The following SPTBN5 variants were observed in gnomAD, a reference collection of about 807,000 sequenced individuals.
The protein encoded by SPTBN5 is spectrin beta chain, non-erythrocytic 5.
In SPTBN5, 513 loss-of-function variants were observed where a neutral mutation model predicts 477.6. The observed-to-expected ratio is 1.07, with a 90% CI of 1.00 to 1.16. The LOEUF (loss-of-function observed/expected upper bound fraction) is 1.16. Among genes scored for constraint, SPTBN5 ranks in the 50% most tolerant of loss-of-function variants. The pLI is 0.00. For synonymous variants in SPTBN5, 2,169 were observed against 2,011.7 expected (o/e 1.08, Z -2.09); for missense variants, 5,062 against 4,731.8 (o/e 1.07, Z -2.05).
In SPTBN5 at chr15:41,850,856, G is replaced by A. The variant is rs907875690; in HGVS notation, c.10919C>T (p.Ala3640Val). 3 of 1,594,416 alleles carry A rather than the reference G, an allele frequency of 1.9e-6. No homozygotes were observed. Among genetic ancestry groups the A allele is most frequent in the Admixed American group, 1.7e-5 (1 of 57,770 alleles). ...ESWWRALGST[A>V]AQSLSPKLKA... ...CGCATCCTTCCCCTGAAGCCCACCT[G>A]CAGTGCTGCCCAGGGCTCGCCACCA... Residue 3640 changes from alanine (A) to valine (V), a missense_variant and splice_region_variant, in exon 66 of 68, where the codon GCA becomes GTA. Ala to Val is a moderately conservative substitution (Grantham distance 64, BLOSUM62 0). Coordinates refer to ENST00000320955, the MANE Select transcript of SPTBN5 (RefSeq NM_016642.4).
Position 41,870,229 on chromosome 15 carries a change from C to T in SPTBN5, c.5673+14G>A. On this transcript the variant is annotated intron_variant, in intron 31 of 67. Transcript: ENST00000320955. Reference sequence around the variant, plus strand: ...GCAGGGGCCTGGGTCGGAGAGGCAGCCAGCTGGGCTCACCTGCCGCTCGGT... The same window carrying T: ...GCAGGGGCCTGGGTCGGAGAGGCAGTCAGCTGGGCTCACCTGCCGCTCGGT... The T allele has an allele frequency of 2.6e-6, 4 of 1,544,540 alleles. No homozygotes were observed. The highest frequency in any genetic ancestry group is 3.5e-6 in the Non-Finnish European group (4 of 1,144,592).
In SPTBN5 at chr15:41,860,776, C is replaced by A. The variant is rs1304003372; in HGVS notation, c.7816-18G>T. On this transcript the variant is annotated intron_variant, in intron 46 of 67. Transcript: ENST00000320955. Reference sequence around the variant, plus strand: ...AAGGGGTCCTGGTGGGAGTGGGGAACCCAATACTGTCCATGAGCCTCCCCC... The same window carrying A: ...AAGGGGTCCTGGTGGGAGTGGGGAAACCAATACTGTCCATGAGCCTCCCCC... 3 of 1,540,310 alleles carry A rather than the reference C, an allele frequency of 1.9e-6. No homozygotes were observed. In the African/African-American group the frequency reaches 4.1e-5, roughly 21 times the overall value.
At chr15:41,878,307 C>G (rs1328396457) in intron 17 of SPTBN5, 35 bp downstream of exon 17, 7 of 1,602,538 alleles carry the variant, frequency 4.4e-6, no homozygotes, top group Non-Finnish European at 6.0e-6. Context: ...CTGGTCCCAG[C>G]CCAAAGTGCA....
Position 41,892,884 on chromosome 15 carries a change from TG to T in SPTBN5, c.384+9del. 2 of 1,588,010 alleles carry T rather than the reference TG, an allele frequency of 1.3e-6. No individual in the cohort carries two copies. ...CAGCACCATCCCAGACCCCTTTCCC[TG>T]GGGCCCACCTTGGCCCTGAGGAAGG... On this transcript the variant is annotated intron_variant, in intron 3 of 67. Transcript: ENST00000320955.
At chr15:41,888,613 A>T (rs979638810) in intron 4 of SPTBN5, among the ~76,000 whole-genome samples, 1 of 152,202 alleles carries the variant, frequency 6.6e-6, no homozygotes, top group African/African-American at 2.4e-5. Flanking sequence ...TGGAGGCACC[A>T]CTATGCCCAG....
Position 41,853,680 on chromosome 15 carries a change from C to G in SPTBN5, c.9882G>C (p.Glu3294Asp). The change falls in exon 58 of 68, where the codon GAG (glutamate) becomes GAC (aspartate). Residue 3294 changes from glutamate (E) to aspartate (D), a missense_variant. Transcript: ENST00000320955. ...AAPGGLAKVQEAWATLQAKAQ... is the reference protein window; with the variant it reads ...AAPGGLAKVQDAWATLQAKAQ... The stretch of plus-strand genomic sequence containing the variant: ...CCTTCGCCTGCAGGGTGGCCCAGGC[C>G]TCCTGCACCTTGGCCAGGCCCCCCG... The G allele has an allele frequency of 6.2e-7, 1 of 1,603,440 alleles. No homozygotes were observed.
chr15:41,875,877 C>T (rs764222487), intron 21 of SPTBN5, among the ~76,000 whole-genome samples: 24 of 152,090 alleles, frequency 1.6e-4, no homozygotes, highest in Non-Finnish European at 2.9e-4. Context: ...TAGAGGTGGC[C>T]GGCTCTGGGA....
At chr15:41,872,595 T>C in intron 26 of SPTBN5, 136 bp from the exon 27 acceptor site, 2 of 887,830 alleles carry the variant, frequency 2.3e-6, no homozygotes, top group South Asian at 3.4e-5. Context: ...CCTCAACTCA[T>C]TCATCCACCC....
In SPTBN5 at chr15:41,853,601, C is replaced by G. The variant is rs370935764; in HGVS notation, c.9961G>C (p.Gly3321Arg). The G allele has an allele frequency of 6.3e-7, 1 of 1,577,854 alleles. No homozygotes were observed. The highest frequency in any genetic ancestry group is 1.3e-5 in the African/African-American group (1 of 74,408). ...ACCTACAGCAGTTCCTGGCAGCGCC[C>G]GAGGAAGGCATGGCCCTGTGCAGCC... is the stretch of plus-strand genomic sequence containing the variant. ...AQAAQGHAFL[G>R]RCQELLAWAQ... Residue 3321 changes from glycine to arginine, a missense_variant, in exon 58 of 68, where the codon GGG (glycine) becomes CGG (arginine). Transcript: ENST00000320955.
intron 25 of SPTBN5, 117 bp from the exon 26 acceptor site, chr15:41,873,725 C>A: frequency 6.8e-7 from 1 of 1,466,384 alleles, no homozygotes; most frequent in South Asian, 1.2e-5. Context: ...ATAGGGGCAC[C>A]CATCAGCTCC....
chr15:41,855,856 C>T (rs377109732), intron 53 of SPTBN5, 111 bp from the exon 54 acceptor site: 22 of 1,182,714 alleles, frequency 1.9e-5, no homozygotes, highest in African/African-American at 3.1e-5. Context: ...GGAGCTGTCA[C>T]GCTCCCTCAG....
intron 53 of SPTBN5, among the ~76,000 whole-genome samples, chr15:41,855,947 G>A (rs933650094): frequency 1.3e-5 from 2 of 152,190 alleles, no homozygotes; most frequent in Non-Finnish European, 2.9e-5. Flanking sequence ...CCAGGTGATT[G>A]TTTTTTTCCA....
At position 41,851,494 on chromosome 15, in the gene SPTBN5, T is replaced by TG. The variant is rs2065759841; in HGVS notation, c.10657-126dup. 10 of 629,080 alleles carry TG rather than the reference T, an allele frequency of 1.6e-5. No homozygotes were observed. The South Asian group carries it at 1.9e-4, about 12-fold the overall frequency. 39.0% of individuals were successfully genotyped at this position (629,080 alleles called of 1,614,324 possible). A position where few individuals can be genotyped will look rare whatever the true frequency, so the allele number is the denominator to read the frequency against. On this transcript the variant is annotated intron_variant, in intron 63 of 67. Transcript: ENST00000320955. ...GCGGTGGATTGGACCAAAGTCCCAA[T>TG]GGGGAAAGGGAAGCCACAGAGGGGC...
At chr15:41,854,644 G>A (rs2065878764) in intron 56 of SPTBN5, 138 bp downstream of exon 56, 1 of 698,374 alleles carries the variant, frequency 1.4e-6, no homozygotes, top group Non-Finnish European at 2.2e-6. Context: ...AGCTGAGCAG[G>A]TGAGGGAAAA....
Position 41,882,363 on chromosome 15 carries a change from TC to T in SPTBN5, c.2152del (p.Glu718AsnfsTer67), listed in dbSNP as rs1401412303. Reference protein sequence around the residue: ...RRPPTQPDPGERAEAVQGGWQ... With the variant: ...RRPPTQPDPGXRAEAVQGGWQ... ...CCCTCCCTGAACGGCCTCTGCCCGT[TC>T]CCCGGGATCCGGCTGCGTTGGGGGC... On this transcript the variant is annotated frameshift_variant, in exon 11 of 68. Transcript: ENST00000320955. LOFTEE classifies it high-confidence loss of function. The T allele has an allele frequency of 2.0e-6, 3 of 1,535,788 alleles. No homozygotes were observed. The highest frequency in any genetic ancestry group is 4.9e-5 in the East Asian group (2 of 40,900).
intron 17 of SPTBN5, among the ~76,000 whole-genome samples, chr15:41,878,023 G>C (rs1032596075): frequency 1.3e-5 from 2 of 151,622 alleles, no homozygotes; most frequent in Non-Finnish European, 2.9e-5. Flanking sequence ...CAGGACGGCA[G>C]GGGGGGCTAG....
intron 55 of SPTBN5, 32 bp downstream of exon 55, chr15:41,855,192 C>T: frequency 6.3e-7 from 1 of 1,586,830 alleles, no homozygotes; most frequent in Non-Finnish European, 8.6e-7. Context: ...CCTCTGCCCA[C>T]TCCCCGTGAG....
chr15:41,876,156 G>A lies in SPTBN5; in HGVS notation c.4080C>T (p.Ser1360=), dbSNP rs764444871. The A allele has an allele frequency of 2.4e-5, 39 of 1,604,456 alleles. No homozygotes were observed. Among genetic ancestry groups the A allele is most frequent in the African/African-American group, 5.3e-5 (4 of 74,930 alleles). The change falls in exon 21 of 68, where the codon AGC becomes AGT. Residue 1360 remains serine, a synonymous_variant. Transcript: ENST00000320955. ...CGTGTCTGCGGGTGGCGAGTAGCTCGCTCTCAGCTGCTTCGTGCCGCTTGA... is the reference window on the plus strand; with the variant it reads ...CGTGTCTGCGGGTGGCGAGTAGCTCACTCTCAGCTGCTTCGTGCCGCTTGA... ...QTLKRHEAAE[S]ELLATRRHVE...
chr15:41,858,277 GAC>G (rs2065986317), intron 49 of SPTBN5, among the ~76,000 whole-genome samples: 1 of 152,214 alleles, frequency 6.6e-6, no homozygotes. Context: ...CAGCCTGGGT[GAC>G]AGAGCAAGAC....
Sources: gnomAD v4.1 joint callset for allele counts (sites outside exome capture counted in the v4.1 genomes callset) on GRCh38, gnomAD v4.1.1 for gene constraint, MANE v1.5 for transcripts, NCBI Gene and HGNC (gene_info 2026-07-23, HGNC 2026-07-21) for gene names.